Variants in INSIG2 observed in about 807,000 individuals in gnomAD.
INSIG2 encodes the protein insulin-induced gene 2 protein.
In INSIG2, 10 loss-of-function variants were observed where a neutral mutation model predicts 27.2. The observed-to-expected ratio is 0.37, with a 90% CI of 0.23 to 0.62. The LOEUF is 0.62. INSIG2 is among the 20% of genes least tolerant of loss of function. INSIG2 has a pLI of 0.65. For missense variants in INSIG2, 178 were observed against 270.2 expected (o/e 0.66, Z 2.39); for synonymous variants, 97 against 95.8 (o/e 1.01, Z -0.07).
At chr2:118,106,634 C>A in intron 3 of INSIG2, 103 bp from the exon 4 acceptor site, 1 of 844,704 alleles carries the variant, frequency 1.2e-6, no homozygotes. Context: ...TGAGTAGAAG[C>A]AATTAATTCC....
intron 2 of INSIG2, among the ~76,000 whole-genome samples, chr2:118,102,128 A>G (rs1481159940): frequency 2.0e-5 from 3 of 152,192 alleles, no homozygotes; most frequent in Non-Finnish European, 4.4e-5. Flanking sequence ...ATTCCTCTTA[A>G]GTGGTATTGG....
Position 118,108,884 on chromosome 2 carries a change from GT to G in INSIG2, c.*565del. On this transcript the variant is annotated 3_prime_UTR_variant, in exon 6 of 6. Transcript: ENST00000245787. ...TTCTAATTTAATGTTGTTTCATAGA[GT>G]TTGGAGTGTTTTGATACAGGGTGAA... 1 of 152,292 alleles carries G rather than the reference GT, an allele frequency of 6.6e-6. No homozygotes were observed. The highest frequency in any genetic ancestry group is 1.9e-4 in the East Asian group (1 of 5,190). The allele number at this position is 152,292 out of a possible 1,614,324, so 9.4% of individuals were successfully genotyped here. A position where few individuals can be genotyped will look rare whatever the true frequency, so the allele number is the denominator to read the frequency against.
intron 1 of INSIG2, among the ~76,000 whole-genome samples, chr2:118,090,439 G>A (rs887778843): frequency 1.3e-5 from 2 of 152,116 alleles, no homozygotes; most frequent in South Asian, 2.1e-4. Flanking sequence ...TTTTATTCAC[G>A]AAGCTCATAA....
intron 2 of INSIG2, chr2:118,102,480 T>TA (rs1241154340): frequency 6.6e-6 from 1 of 152,218 alleles, no homozygotes; most frequent in Admixed American, 6.5e-5. Context: ...CTGAAAATTT[T>TA]AAATACCTCT....
intron 3 of INSIG2, among the ~76,000 whole-genome samples, chr2:118,105,113 T>C (rs1234816321): frequency 6.6e-6 from 1 of 152,186 alleles, no homozygotes; most frequent in African/African-American, 2.4e-5. Context: ...CAATCTTGGC[T>C]CACTGCAAGC....
chr2:118,101,653 A>G (rs1383659761), intron 2 of INSIG2, among the ~76,000 whole-genome samples: 1 of 152,170 alleles, frequency 6.6e-6, no homozygotes, highest in Non-Finnish European at 1.5e-5. Flanking sequence ...GTTTAACTAC[A>G]TTTCAACTGT....
At chr2:118,091,972 A>G (rs2104520237) in intron 1 of INSIG2, among the ~76,000 whole-genome samples, 1 of 152,338 alleles carries the variant, frequency 6.6e-6, no homozygotes, top group East Asian at 1.9e-4. Flanking sequence ...AATGCTTAGA[A>G]CAGTCTCACA....
chr2:118,094,049 T>TGAA (rs199614683), intron 1 of INSIG2, among the ~76,000 whole-genome samples: 21 of 50,260 alleles, frequency 4.2e-4, no homozygotes, highest in South Asian at 7.0e-4. Flanking sequence ...ATGATGATGA[T>TGAA]GGAGAGTTCT....
intron 1 of INSIG2, among the ~76,000 whole-genome samples, chr2:118,093,012 T>TGAG (rs1484420315): frequency 2.2e-5 from 3 of 136,082 alleles, no homozygotes; most frequent in African/African-American, 5.7e-5. Flanking sequence ...CAGATGATGA[T>TGAG]GATGAGGAGG....
In INSIG2 at chr2:118,108,452, A is replaced by G. The variant is rs1678730707; in HGVS notation, c.*130A>G. On this transcript the variant is annotated 3_prime_UTR_variant, in exon 6 of 6. Coordinates refer to ENST00000245787, the MANE Select transcript of INSIG2 (RefSeq NM_016133.4). The stretch of plus-strand genomic sequence containing the variant: ...TTCCCCTTGATTGGCGTGTGTGTAT[A>G]TATGGATAAATATATATATACACAC... 3 of 603,590 alleles carry G rather than the reference A, an allele frequency of 5.0e-6. No homozygotes were observed. Among genetic ancestry groups the G allele is most frequent in the East Asian group, 5.9e-5 (2 of 33,894 alleles). The allele number at this position is 603,590 out of a possible 1,614,324, so 37.4% of individuals were successfully genotyped here. A position where few individuals can be genotyped will look rare whatever the true frequency, so the allele number is the denominator to read the frequency against.
Position 118,096,463 on chromosome 2 carries a change from A to G in INSIG2, c.-94A>G. The stretch of plus-strand genomic sequence containing the variant: ...TTTAGGACAAGATGTGGTACCGTTG[A>G]AGCGTCAGTCTTTGATTCACAGACA... On this transcript the variant is annotated 5_prime_UTR_variant, in exon 2 of 6. It removes the in-frame stop codon of an upstream open reading frame in the 5' UTR. Coordinates refer to ENST00000245787, the MANE Select transcript of INSIG2 (RefSeq NM_016133.4). 3 of 1,297,418 alleles carry G rather than the reference A, an allele frequency of 2.3e-6. No individual in the cohort carries two copies. Among genetic ancestry groups the G allele is most frequent in the Non-Finnish European group, 3.2e-6 (3 of 949,310 alleles). The allele number at this position is 1,297,418 out of a possible 1,614,324, so 80.4% of individuals were successfully genotyped here.
intron 3 of INSIG2, among the ~76,000 whole-genome samples, chr2:118,104,387 T>C (rs558108609): frequency 7.1e-4 from 108 of 152,334 alleles, no homozygotes; most frequent in African/African-American, 2.5e-3. Context: ...CTCTGCACAG[T>C]TGTGCTGGCT....
rs980848081 is a variant in INSIG2, at chr2:118,110,664, T to C, written c.*2342T>C. The C allele has an allele frequency of 2.0e-5, 3 of 152,224 alleles. No homozygotes were observed. The highest frequency in any genetic ancestry group is 4.4e-5 in the Non-Finnish European group (3 of 68,030). 9.4% of individuals were successfully genotyped at this position (152,224 alleles called of 1,614,324 possible). ...AATTGTTTTGAAATTTTGATAAATA[T>C]ATAAATGTATAGAACCTATTTTTTT... On this transcript the variant is annotated 3_prime_UTR_variant, in exon 6 of 6. Coordinates refer to ENST00000245787, the MANE Select transcript of INSIG2 (RefSeq NM_016133.4).
At chr2:118,102,344 G>T (rs1309483726) in intron 2 of INSIG2, among the ~76,000 whole-genome samples, 1 of 152,126 alleles carries the variant, frequency 6.6e-6, no homozygotes, top group African/African-American at 2.4e-5. Flanking sequence ...AATATTTTGG[G>T]ACTCAATCAT....
chr2:118,092,326 T>C (rs1354201107), intron 1 of INSIG2, among the ~76,000 whole-genome samples: 3 of 152,202 alleles, frequency 2.0e-5, no homozygotes, highest in African/African-American at 7.2e-5. Flanking sequence ...TTTTTTCTTT[T>C]TACTTTAAAA....
intron 3 of INSIG2, among the ~76,000 whole-genome samples, chr2:118,105,255 A>T (rs887418564): frequency 2.0e-5 from 3 of 151,496 alleles, no homozygotes; most frequent in African/African-American, 7.3e-5. Context: ...GTTAGCCAGG[A>T]TGGTCTCAAT....
At chr2:118,093,935 T>G (rs1424061086) in intron 1 of INSIG2, among the ~76,000 whole-genome samples, 3 of 27,262 alleles carry the variant, frequency 1.1e-4, no homozygotes, top group Non-Finnish European at 2.2e-4. Context: ...ATGATGATGA[T>G]GATGATGAGG....
rs538623329 is a variant in INSIG2 at position 118,108,307 on chromosome 2, A to G, written c.663A>G (p.Lys221=). 9 of 1,600,222 alleles carry G rather than the reference A, an allele frequency of 5.6e-6. No individual in the cohort carries two copies. In the African/African-American group the frequency reaches 9.4e-5, roughly 17 times the overall value. ...ACGAATGTAAAGTTATCGCAGAAAA[A>G]TCTCATCAGGAATGAAGAAGGCAAA... ...AMYECKVIAE[K]SHQE is the part of the protein sequence containing the mutation. The change falls in exon 6 of 6, where the codon AAA becomes AAG. Residue 221 remains lysine, a synonymous_variant. Coordinates refer to ENST00000245787, the MANE Select transcript of INSIG2 (RefSeq NM_016133.4).
At position 118,109,049 on chromosome 2, in the gene INSIG2, A is replaced by G. The variant is rs1678746773; in HGVS notation, c.*727A>G. ...AAATTGTTTTGGTTCTAAATTTGGAACAGTATATATAATTAAAAGTAAGGA... is the reference window on the plus strand; with the variant it reads ...AAATTGTTTTGGTTCTAAATTTGGAGCAGTATATATAATTAAAAGTAAGGA... On this transcript the variant is annotated 3_prime_UTR_variant, in exon 6 of 6. Coordinates refer to ENST00000245787, the MANE Select transcript of INSIG2 (RefSeq NM_016133.4). 1 of 152,232 alleles carries G rather than the reference A, an allele frequency of 6.6e-6. No individual in the cohort carries two copies. The highest frequency in any genetic ancestry group is 1.9e-4 in the East Asian group (1 of 5,196). 9.4% of individuals were successfully genotyped at this position (152,232 alleles called of 1,614,324 possible). A position where few individuals can be genotyped will look rare whatever the true frequency, so the allele number is the denominator to read the frequency against.
Sources: allele counts gnomAD v4.1 joint callset (sites outside exome capture counted in the v4.1 genomes callset), GRCh38; gene constraint gnomAD v4.1.1; transcripts MANE v1.5; gene names NCBI Gene and HGNC (gene_info 2026-07-23, HGNC 2026-07-21).